Variants in POGZ observed in about 807,000 individuals in gnomAD.
POGZ encodes pogo transposable element derived with ZNF domain.
A neutral mutation model predicts 134.6 loss-of-function variants in POGZ; 17 were observed. That is an observed-to-expected ratio of 0.13 (90% confidence interval 0.09 to 0.19). The LOEUF (loss-of-function observed/expected upper bound fraction) is 0.19. POGZ is among the 10% of genes least tolerant of loss of function. The pLI, the probability that POGZ is intolerant of heterozygous loss-of-function variation, is 1.00. For synonymous variants in POGZ, 693 were observed against 657.1 expected (o/e 1.05, Z -0.84); for missense variants, 1,306 against 1,769.7 (o/e 0.74, Z 4.70).
intron 10 of POGZ, among the ~76,000 whole-genome samples, chr1:151,419,040 A>AG (rs1557892271): frequency 2.7e-5 from 4 of 145,700 alleles, no homozygotes; most frequent in Admixed American, 6.7e-5. Flanking sequence ...AAAAAAAAAA[A>AG]AAAAAAGAAA....
At chr1:151,424,493 C>G in intron 8 of POGZ, 1 of 439,098 alleles carries the variant, frequency 2.3e-6, no homozygotes, top group Non-Finnish European at 4.0e-6. Context: ...CTTTGTATTT[C>G]TCCCTCCTGC....
In POGZ at chr1:151,441,128, G is replaced by C. The variant is rs754971706; in HGVS notation, c.125-42C>G. The C allele has an allele frequency of 1.9e-6, 3 of 1,549,680 alleles. No homozygotes were observed. The South Asian group carries it at 3.4e-5, about 18-fold the overall frequency. On this transcript the variant is annotated intron_variant, in intron 2 of 18. Transcript: ENST00000271715. ...GCATAGTCACTTGGAGACAGGGACA[G>C]ATGACACTAAAGGATACTGCTCTAA... is the stretch of plus-strand genomic sequence containing the variant.
intron 10 of POGZ, among the ~76,000 whole-genome samples, chr1:151,413,454 A>C (rs1270949693): frequency 4.6e-5 from 7 of 152,028 alleles, no homozygotes. Flanking sequence ...TAACTGCTAC[A>C]TATTTTTAAT....
rs1489445540 is a variant in POGZ at position 151,404,733 on chromosome 1, TCCCTAAGCCCCTTTA to T, written c.*54_*68del. 635 of 1,501,912 alleles carry T rather than the reference TCCCTAAGCCCCTTTA, an allele frequency of 4.2e-4. 4 individuals are homozygous for T. In the South Asian group the frequency reaches 8.6e-3, roughly 20 times the overall value. The allele number at this position is 1,501,912 out of a possible 1,614,324, so 93.0% of individuals were successfully genotyped here. ...ATACCCCACCTGGTATGCCCCCTTT[TCCCTAAGCCCCTTTA>T]CCCTCCCTCACATGTTCCCACCCTC... On this transcript the variant is annotated 3_prime_UTR_variant, in exon 19 of 19. Transcript: ENST00000271715.
intron 2 of POGZ, among the ~76,000 whole-genome samples, chr1:151,441,732 G>C (rs1660563398): frequency 6.6e-6 from 1 of 152,022 alleles, no homozygotes; most frequent in South Asian, 2.1e-4. Flanking sequence ...CAAGACTATG[G>C]GAACCTATTT....
Position 151,443,114 on chromosome 1 carries a change from G to T in POGZ, c.-1-909C>A, listed in dbSNP as rs909084421. On this transcript the variant is annotated intron_variant, in intron 1 of 18. Transcript: ENST00000271715. ...CAGTGAGGTGAGTCAAGCAAGTGCA[G>T]GATCGGATTCAGTCTTTATTTAAAA... Among the ~76,000 whole-genome samples, 5 of 152,288 alleles carry T rather than the reference G, an allele frequency of 3.3e-5. No individual in the cohort carries two copies. The South Asian group carries it at 8.3e-4, about 25-fold the overall frequency.
intron 9 of POGZ, 51 bp from the exon 10 acceptor site, chr1:151,423,602 CT>C (rs1657307863): frequency 1.4e-6 from 2 of 1,439,528 alleles, no homozygotes; most frequent in Non-Finnish European, 1.9e-6. Flanking sequence ...AATTGGTAGC[CT>C]TTTAGAAATA....
chr1:151,443,947 A>G (rs1307287142), intron 1 of POGZ, among the ~76,000 whole-genome samples: 1 of 152,138 alleles, frequency 6.6e-6, no homozygotes, highest in Admixed American at 6.6e-5. Context: ...GAAAACCAAA[A>G]CCAAACAACC....
At chr1:151,451,320 A>T (rs914612109) in intron 1 of POGZ, among the ~76,000 whole-genome samples, 8 of 151,486 alleles carry the variant, frequency 5.3e-5, no homozygotes, top group Admixed American at 2.0e-4. Flanking sequence ...TTATTTATTT[A>T]TTTTATTTTT....
chr1:151,424,763 G>T (rs1017364148), intron 8 of POGZ, among the ~76,000 whole-genome samples, 192 bp downstream of exon 8: 2 of 152,256 alleles, frequency 1.3e-5, no homozygotes, highest in Non-Finnish European at 2.9e-5. Flanking sequence ...CATATGTTCT[G>T]ATCTATTTGA....
At chr1:151,417,691 C>T (rs1360740479) in intron 10 of POGZ, among the ~76,000 whole-genome samples, 1 of 10,582 alleles carries the variant, frequency 9.5e-5, no homozygotes, top group East Asian at 2.1e-3. Context: ...ACTGTGGCCA[C>T]ACACACACAC....
intron 10 of POGZ, among the ~76,000 whole-genome samples, chr1:151,415,932 G>C (rs1272732328): frequency 1.3e-5 from 2 of 151,974 alleles, no homozygotes; most frequent in Non-Finnish European, 2.9e-5. Flanking sequence ...TATGAATCAG[G>C]GCCGGGTGCA....
At chr1:151,413,404 A>T (rs1655031496) in intron 10 of POGZ, among the ~76,000 whole-genome samples, 1 of 152,216 alleles carries the variant, frequency 6.6e-6, no homozygotes, top group East Asian at 1.9e-4. Context: ...CTAGAATTAC[A>T]GGTGTGAGCC....
At chr1:151,434,418 G>A (rs1659249062) in intron 3 of POGZ, among the ~76,000 whole-genome samples, 1 of 152,064 alleles carries the variant, frequency 6.6e-6, no homozygotes, top group Non-Finnish European at 1.5e-5. Flanking sequence ...AGGGTGCAGT[G>A]AGCCAGCTGT....
At chr1:151,408,020 A>C (rs1337484632) in intron 15 of POGZ, 80 bp downstream of exon 15, 12 of 1,026,282 alleles carry the variant, frequency 1.2e-5, no homozygotes, top group Non-Finnish European at 1.5e-5. Context: ...TTCAAAAAAA[A>C]AAAAAAAAAA....
chr1:151,431,496 C>A (rs1571475304), intron 3 of POGZ, among the ~76,000 whole-genome samples: 1 of 152,298 alleles, frequency 6.6e-6, no homozygotes, highest in East Asian at 1.9e-4. Flanking sequence ...GGAATGGTTT[C>A]TCTTCCTAGT....
At position 151,428,128 on chromosome 1, in the gene POGZ, T is replaced by C. The variant is rs745545028; in HGVS notation, c.854A>G (p.Lys285Arg). Residue 285 changes from lysine to arginine, a missense_variant, in exon 6 of 19, where the codon AAG becomes AGG. Coordinates refer to ENST00000271715, the MANE Select transcript of POGZ (RefSeq NM_015100.4). ...PGQSNQTTNP[K>R]LAPSFPSPPA... Reference sequence around the variant, plus strand: ...CTCCTCTTCCGAAGCCTTACCTAGCTTGGGATTCGTGGTCTGGTTTGACTG... The same window carrying C: ...CTCCTCTTCCGAAGCCTTACCTAGCCTGGGATTCGTGGTCTGGTTTGACTG... 2.5e-6 allele frequency: 4 copies of C among 1,614,064 alleles called. 1 individual carries two copies. The highest frequency in any genetic ancestry group is 2.2e-5 in the East Asian group (1 of 44,888).
chr1:151,410,868 G>A (rs192732560), intron 12 of POGZ, among the ~76,000 whole-genome samples: 1 of 152,218 alleles, frequency 6.6e-6, no homozygotes, highest in Admixed American at 6.5e-5. Context: ...CTTAACTACT[G>A]CATTGCTACC....
rs749899018 is a variant in POGZ at position 151,424,159 on chromosome 1, G to T, written c.1313C>A (p.Ser438Tyr). The change falls in exon 9 of 19, where the codon TCT becomes TAT. Residue 438 changes from serine (S) to tyrosine (Y), a missense_variant. Physicochemically the swap from Ser to Tyr is moderately radical, Grantham distance 144. Coordinates refer to ENST00000271715, the MANE Select transcript of POGZ (RefSeq NM_015100.4). ...CGGTGACAGAGCAGGAATAGGTGTA[G>T]AAGAGGGTGTGGAAGCAACAGGAGC... ...KTAPVASTPS[S>Y]TPIPALSPPT... 1.5e-5 allele frequency: 25 copies of T among 1,614,018 alleles called. No individual in the cohort carries two copies. The highest frequency in any genetic ancestry group is 2.7e-5 in the African/African-American group (2 of 74,922).
Sources: allele counts gnomAD v4.1 joint callset (sites outside exome capture counted in the v4.1 genomes callset), GRCh38; gene constraint gnomAD v4.1.1; transcripts MANE v1.5; gene names NCBI Gene and HGNC (gene_info 2026-07-23, HGNC 2026-07-21).